The following FMN1 variants were observed in gnomAD, a reference collection of about 807,000 sequenced individuals.
FMN1 encodes formin-1.
In FMN1, 110 loss-of-function variants were observed where a neutral mutation model predicts 132.4. The ratio of observed to expected loss-of-function variants is 0.83; its 90% CI spans 0.71 to 0.97. The LOEUF (loss-of-function observed/expected upper bound fraction) is 0.97, where lower values mean the gene tolerates loss of function less well. Among genes scored for constraint, FMN1 ranks in the 50% least tolerant of loss-of-function variants. FMN1 has a pLI of 0.00. For synonymous variants in FMN1, 722 were observed against 651.7 expected (o/e 1.11, Z -1.64); for missense variants, 1,792 against 1,705.3 (o/e 1.05, Z -0.90).
chr15:32,972,503 T>C (rs1038766517), intron 7 of FMN1, among the ~76,000 whole-genome samples: 5 of 152,208 alleles, frequency 3.3e-5, no homozygotes, highest in Non-Finnish European at 1.5e-5. Context: ...ATCAGCACTT[T>C]TCAGTGATTT....
chr15:33,068,718 C>T (rs556342839), intron 5 of FMN1, among the ~76,000 whole-genome samples: 5 of 152,202 alleles, frequency 3.3e-5, no homozygotes, highest in South Asian at 2.1e-4. Context: ...ATAACCCACA[C>T]GACTGGTTTC....
chr15:33,135,929 C>T (rs117416596), intron 4 of FMN1, among the ~76,000 whole-genome samples: 2 of 152,168 alleles, frequency 1.3e-5, no homozygotes, highest in African/African-American at 4.8e-5. Flanking sequence ...TCCATGAGGA[C>T]AGGAATTAGC....
intron 9 of FMN1, among the ~76,000 whole-genome samples, chr15:32,933,875 T>C (rs551974476): frequency 6.6e-6 from 1 of 152,336 alleles, no homozygotes; most frequent in South Asian, 2.1e-4. Context: ...CCTGTGTCCT[T>C]GAGTCTAAAA....
intron 5 of FMN1, among the ~76,000 whole-genome samples, chr15:33,070,065 G>GTGCAATCTC (rs1286911202): frequency 1.4e-5 from 2 of 138,112 alleles, no homozygotes; most frequent in Non-Finnish European, 3.0e-5. Flanking sequence ...GAGTGGAATG[G>GTGCAATCTC]TGCAATCTCC....
chr15:32,931,628 TAA>T (rs1321757959), intron 9 of FMN1, among the ~76,000 whole-genome samples: 2 of 152,204 alleles, frequency 1.3e-5, no homozygotes, highest in Admixed American at 6.5e-5. Context: ...TTTCTACATA[TAA>T]GATCATATCT....
intron 19 of FMN1, among the ~76,000 whole-genome samples, chr15:32,781,779 C>G (rs899667323): frequency 6.6e-6 from 1 of 152,188 alleles, no homozygotes; most frequent in Non-Finnish European, 1.5e-5. Context: ...TTCCTCATCT[C>G]TTTAAAGTGT....
At chr15:33,008,830 G>A (rs2034554531) in intron 6 of FMN1, among the ~76,000 whole-genome samples, 1 of 152,146 alleles carries the variant, frequency 6.6e-6, no homozygotes, top group Non-Finnish European at 1.5e-5. Flanking sequence ...ACAGGCTGCA[G>A]AGAACCACAA....
intron 6 of FMN1, among the ~76,000 whole-genome samples, chr15:33,048,566 T>C (rs1428851053): frequency 6.9e-6 from 1 of 144,494 alleles, no homozygotes; most frequent in African/African-American, 2.6e-5. Context: ...GCAAGGTGCG[T>C]AAAGAAATAC....
intron 2 of FMN1, among the ~76,000 whole-genome samples, chr15:33,181,484 T>C (rs1042905607): frequency 6.6e-6 from 1 of 152,120 alleles, no homozygotes; most frequent in Admixed American, 6.6e-5. Context: ...CACCTGTGAC[T>C]TTCTGCCCGA....
At chr15:33,011,273 T>C (rs141076582) in intron 6 of FMN1, among the ~76,000 whole-genome samples, 13 of 152,284 alleles carry the variant, frequency 8.5e-5, no homozygotes, top group African/African-American at 3.1e-4. Flanking sequence ...TCACTTGATA[T>C]ATGATAGAAA....
At chr15:32,812,166 T>C (rs886336920) in intron 17 of FMN1, among the ~76,000 whole-genome samples, 1 of 152,196 alleles carries the variant, frequency 6.6e-6, no homozygotes, top group African/African-American at 2.4e-5. Flanking sequence ...AGTTTCCCCA[T>C]ATACACATCA....
chr15:32,864,564 T>C (rs1434760784), intron 16 of FMN1, among the ~76,000 whole-genome samples: 2 of 152,210 alleles, frequency 1.3e-5, no homozygotes, highest in African/African-American at 4.8e-5. Flanking sequence ...CTAATGACTC[T>C]ATTCATCCAA....
intron 17 of FMN1, among the ~76,000 whole-genome samples, chr15:32,840,233 G>C (rs1430921574): frequency 6.6e-6 from 1 of 152,164 alleles, no homozygotes; most frequent in Non-Finnish European, 1.5e-5. Context: ...GATTTAACCA[G>C]ACCAAAGGGG....
At chr15:33,081,464 G>A (rs1216023802) in intron 5 of FMN1, among the ~76,000 whole-genome samples, 1 of 152,136 alleles carries the variant, frequency 6.6e-6, no homozygotes, top group Non-Finnish European at 1.5e-5. Context: ...CATGCCTGAG[G>A]AATCTAGTGT....
intron 5 of FMN1, chr15:33,067,896 G>A (rs1303635962): frequency 6.3e-7 from 1 of 1,593,064 alleles, no homozygotes; most frequent in Admixed American, 1.7e-5. Context: ...TCTCAGTAAT[G>A]CCCTTGGTGG....
chr15:32,977,878 T>TC (rs1444131675), intron 7 of FMN1, among the ~76,000 whole-genome samples: 19 of 151,984 alleles, frequency 1.3e-4, no homozygotes, highest in African/African-American at 4.3e-4. Flanking sequence ...TTTTTTTTTT[T>TC]CTGAGACAGA....
At position 32,968,733 on chromosome 15, in the gene FMN1, T is replaced by G. The variant is rs2031478548; in HGVS notation, c.2968A>C (p.Ile990Leu). ...ACTTACCTCCTATCACTTATTTGTA[T>G]CCTAGTCCAATATAAAGGCTTCATG... Reference protein sequence around the residue: ...CPMKPLYWTRIQISDRSQNAT... With the variant: ...CPMKPLYWTRLQISDRSQNAT... The change falls in exon 8 of 21, where the codon ATA (isoleucine) becomes CTA (leucine). Residue 990 changes from isoleucine to leucine, a missense_variant. Physicochemically the swap from Ile to Leu is conservative, Grantham distance 5. This residue lies in a region of FMN1 where 1,150 missense variants were observed against 1,043.1 expected (regional missense o/e 1.10). Coordinates refer to ENST00000616417, the MANE Select transcript of FMN1 (RefSeq NM_001277313.2). The G allele has an allele frequency of 6.2e-7, 1 of 1,613,250 alleles. No homozygotes were observed. Among genetic ancestry groups the G allele is most frequent in the South Asian group, 1.1e-5 (1 of 91,044 alleles).
intron 3 of FMN1, among the ~76,000 whole-genome samples, chr15:33,176,485 G>A (rs1326755004): frequency 3.9e-5 from 5 of 127,754 alleles, no homozygotes; most frequent in African/African-American, 1.2e-4. Flanking sequence ...CAGCCTGGGC[G>A]ACAGAGTGAG....
chr15:32,919,971 A>G (rs943324374), intron 10 of FMN1, among the ~76,000 whole-genome samples: 21 of 152,232 alleles, frequency 1.4e-4, no homozygotes, highest in Non-Finnish European at 1.9e-4. Context: ...AAGAAAGCCA[A>G]TGTTGCAGCT....
Sources: gnomAD v4.1 joint callset for allele counts (sites outside exome capture counted in the v4.1 genomes callset) on GRCh38, gnomAD v4.1.1 for gene constraint, gnomAD v4.1.1 regional missense constraint, MANE v1.5 for transcripts, NCBI Gene and HGNC (gene_info 2026-07-23, HGNC 2026-07-21) for gene names.